The following ATP6V0A1 variants were observed in gnomAD, a reference collection of about 807,000 sequenced individuals.
The protein encoded by ATP6V0A1 is ATPase H+ transporting V0 subunit a1.
A neutral mutation model predicts 105.4 loss-of-function variants in ATP6V0A1; 43 were observed. The ratio of observed to expected loss-of-function variants is 0.41; its 90% CI spans 0.32 to 0.53. The LOEUF (loss-of-function observed/expected upper bound fraction) is 0.53, where lower values mean the gene tolerates loss of function less well. ATP6V0A1 is among the 20% of genes least tolerant of loss of function. The pLI, the probability that ATP6V0A1 is intolerant of heterozygous loss-of-function variation, is 0.30. For missense variants in ATP6V0A1, 676 were observed against 1,051.1 expected (o/e 0.64, Z 4.93); for synonymous variants, 362 against 372.8 (o/e 0.97, Z 0.33).
chr17:42,482,964 TG>T, intron 8 of ATP6V0A1, 73 bp from the exon 9 acceptor site: 1 of 1,058,362 alleles, frequency 9.4e-7, no homozygotes, highest in Non-Finnish European at 1.3e-6. Flanking sequence ...TTGGTCCTTC[TG>T]GTACATTAGG....
intron 14 of ATP6V0A1, chr17:42,496,206 A>C (rs1046259347): frequency 1.3e-5 from 2 of 153,156 alleles, no homozygotes; most frequent in Admixed American, 1.3e-4. Context: ...TTGAGGAGCC[A>C]CATACTTTTC....
At chr17:42,492,849 C>G (rs1204174994) in intron 11 of ATP6V0A1, among the ~76,000 whole-genome samples, 1 of 151,904 alleles carries the variant, frequency 6.6e-6, no homozygotes, top group Non-Finnish European at 1.5e-5. Flanking sequence ...AACCCTATCT[C>G]TACTAAAAAT....
chr17:42,465,809 C>T (rs1015956243), intron 2 of ATP6V0A1, among the ~76,000 whole-genome samples: 1 of 151,474 alleles, frequency 6.6e-6, no homozygotes, highest in Non-Finnish European at 1.5e-5. Context: ...ACTAAAAATG[C>T]AAGAAAATTA....
chr17:42,493,982 G>T (rs896558366), intron 11 of ATP6V0A1, among the ~76,000 whole-genome samples: 2 of 152,098 alleles, frequency 1.3e-5, no homozygotes, highest in African/African-American at 4.8e-5. Context: ...GGTGGCTCAC[G>T]CCTGTAATGC....
chr17:42,520,764 G>A (rs2146392232), intron 21 of ATP6V0A1: 1 of 473,840 alleles, frequency 2.1e-6, no homozygotes, highest in South Asian at 2.0e-5. Flanking sequence ...ATGCCTCTCT[G>A]CAGAGAGTTG....
At chr17:42,480,826 AAT>A in intron 8 of ATP6V0A1, 77 bp downstream of exon 8, 3 of 1,341,968 alleles carry the variant, frequency 2.2e-6, no homozygotes, top group Non-Finnish European at 3.1e-6. Flanking sequence ...ACAATAGTGA[AAT>A]ACAAATCCTT....
At chr17:42,465,642 T>A (rs1261596411) in intron 2 of ATP6V0A1, among the ~76,000 whole-genome samples, 3 of 151,930 alleles carry the variant, frequency 2.0e-5, no homozygotes, top group Admixed American at 2.0e-4. Flanking sequence ...ATTTGTATAT[T>A]CCAGAACATC....
At chr17:42,513,539 C>G (rs1239682243) in intron 19 of ATP6V0A1, 2 of 257,520 alleles carry the variant, frequency 7.8e-6, no homozygotes, top group Non-Finnish European at 1.5e-5. Context: ...CTCTTGAGCA[C>G]AGAGCCCCAG....
At chr17:42,465,797 C>G (rs1275936198) in intron 2 of ATP6V0A1, among the ~76,000 whole-genome samples, 1 of 151,568 alleles carries the variant, frequency 6.6e-6, no homozygotes, top group East Asian at 2.0e-4. Flanking sequence ...AACCCTGTCT[C>G]TACTAAAAAT....
intron 8 of ATP6V0A1, chr17:42,481,072 C>T (rs180973875): frequency 4.5e-5 from 8 of 177,258 alleles, no homozygotes; most frequent in Admixed American, 6.2e-5. Flanking sequence ...CAGGCGTGTG[C>T]CACCATACCT....
At chr17:42,500,598 G>T in intron 15 of ATP6V0A1, 109 bp from the exon 16 acceptor site, 1 of 842,006 alleles carries the variant, frequency 1.2e-6, no homozygotes, top group African/African-American at 1.7e-5. Flanking sequence ...AAGTGATAAA[G>T]ACAGAATTGA....
chr17:42,500,512 A>G (rs1226387988), intron 15 of ATP6V0A1, among the ~76,000 whole-genome samples, 195 bp from the exon 16 acceptor site: 3 of 152,080 alleles, frequency 2.0e-5, no homozygotes, highest in Non-Finnish European at 4.4e-5. Context: ...AAACAAAACC[A>G]AGGTTCAAAA....
intron 2 of ATP6V0A1, among the ~76,000 whole-genome samples, chr17:42,464,652 C>G (rs2086827846): frequency 6.6e-6 from 1 of 152,122 alleles, no homozygotes; most frequent in Non-Finnish European, 1.5e-5. Flanking sequence ...AACTGCCCGC[C>G]TTGGTCTCCC....
intron 17 of ATP6V0A1, among the ~76,000 whole-genome samples, chr17:42,505,977 G>A (rs1200114301): frequency 2.0e-5 from 3 of 151,640 alleles, no homozygotes; most frequent in African/African-American, 4.8e-5. Flanking sequence ...TAGTAGAGAC[G>A]GGGTTTCGCC....
chr17:42,494,393 C>A lies in ATP6V0A1; in HGVS notation c.1234C>A (p.His412Asn), dbSNP rs1285120643. 2 of 1,613,554 alleles carry A rather than the reference C, an allele frequency of 1.2e-6. No individual in the cohort carries two copies. Among genetic ancestry groups the A allele is most frequent in the Non-Finnish European group, 8.5e-7 (1 of 1,179,578 alleles). The change falls in exon 12 of 22, where the codon CAT (histidine) becomes AAT (asparagine). Residue 412 changes from histidine to asparagine, a missense_variant. Coordinates refer to ENST00000343619, the MANE Select transcript of ATP6V0A1 (RefSeq NM_001130021.3). Reference protein sequence around the residue: ...LFAVMFGDFGHGILMTLFAVW... With the variant: ...LFAVMFGDFGNGILMTLFAVW... The stretch of plus-strand genomic sequence containing the variant: ...TGCTGTGATGTTTGGAGACTTCGGT[C>A]ATGGCATTTTAATGACCCTTTTTGC...
intron 19 of ATP6V0A1, among the ~76,000 whole-genome samples, chr17:42,512,238 G>A (rs1446869870): frequency 6.6e-6 from 1 of 152,210 alleles, no homozygotes; most frequent in African/African-American, 2.4e-5. Context: ...AGCTGGGAAT[G>A]AAGGAGAGAA....
Position 42,500,939 on chromosome 17 carries a change from G to A in ATP6V0A1, c.1896+16G>A, listed in dbSNP as rs184244756. The A allele has an allele frequency of 1.3e-6, 2 of 1,597,502 alleles. No individual in the cohort carries two copies. The highest frequency in any genetic ancestry group is 2.7e-5 in the African/African-American group (2 of 74,672). On this transcript the variant is annotated intron_variant, in intron 16 of 21. Coordinates refer to ENST00000343619, the MANE Select transcript of ATP6V0A1 (RefSeq NM_001130021.3). The stretch of plus-strand genomic sequence containing the variant: ...TTCTGGACAGGTACGTCAGCCCAGA[G>A]GCAGACTGTCTGAGATGATTATACT...
intron 21 of ATP6V0A1, chr17:42,520,248 T>G (rs2092783848): frequency 2.8e-6 from 1 of 357,010 alleles, no homozygotes; most frequent in South Asian, 2.1e-5. Flanking sequence ...CTGCCCTTAT[T>G]TGGTGTGGTT....
intron 5 of ATP6V0A1, among the ~76,000 whole-genome samples, chr17:42,471,847 A>G (rs1567814979): frequency 6.6e-6 from 1 of 151,970 alleles, no homozygotes; most frequent in Non-Finnish European, 1.5e-5. Context: ...TCTGGGGAGG[A>G]GTCTTAGCTT....
Sources: gnomAD v4.1 joint callset for allele counts (sites outside exome capture counted in the v4.1 genomes callset) on GRCh38, gnomAD v4.1.1 for gene constraint, MANE v1.5 for transcripts, NCBI Gene and HGNC (gene_info 2026-07-23, HGNC 2026-07-21) for gene names.